The following COL19A1 variants were observed in gnomAD, a reference collection of about 807,000 sequenced individuals.
The protein encoded by COL19A1 is collagen type XIX alpha 1 chain.
A neutral mutation model predicts 190.2 loss-of-function variants in COL19A1; 159 were observed. The observed-to-expected ratio is 0.84, with a 90% CI of 0.73 to 0.95. The LOEUF is 0.95. Ranked by LOEUF, COL19A1 falls within the 40% of genes least tolerant of loss-of-function variation. COL19A1 has a pLI of 0.00. For missense variants in COL19A1, 1,418 were observed against 1,431.9 expected (o/e 0.99, Z 0.16); for synonymous variants, 509 against 458.9 (o/e 1.11, Z -1.39).
chr6:70,070,810 C>T (rs1386658096), intron 15 of COL19A1, among the ~76,000 whole-genome samples: 5 of 152,130 alleles, frequency 3.3e-5, no homozygotes, highest in African/African-American at 1.2e-4. Context: ...GATGCACATT[C>T]TGAAAGCTAA....
Position 69,900,344 on chromosome 6 carries a change from TA to T in COL19A1, c.266+12del. ...CTTCTTATTAGAGACACTATGTAAG[TA>T]AAAAATTATTTTCTTTATGTTTAAT... On this transcript the variant is annotated splice_region_variant and intron_variant, in intron 4 of 50. Transcript: ENST00000620364. The T allele has an allele frequency of 1.4e-6, 2 of 1,407,698 alleles. No homozygotes were observed. Among genetic ancestry groups the T allele is most frequent in the South Asian group, 1.4e-5 (1 of 70,540 alleles). 87.2% of individuals were successfully genotyped at this position (1,407,698 alleles called of 1,614,324 possible).
intron 15 of COL19A1, among the ~76,000 whole-genome samples, chr6:70,078,936 G>A (rs766210170): frequency 1.3e-5 from 2 of 152,084 alleles, no homozygotes; most frequent in Non-Finnish European, 2.9e-5. Context: ...GCATGGTGGT[G>A]TGCACCTCTA....
At chr6:70,113,351 A>G (rs1296997032) in intron 16 of COL19A1, among the ~76,000 whole-genome samples, 3 of 152,188 alleles carry the variant, frequency 2.0e-5, no homozygotes, top group Non-Finnish European at 4.4e-5. Flanking sequence ...ATGCTAATAC[A>G]CAATCTCTCC....
In COL19A1 at chr6:69,937,011, T is replaced by C. The variant is rs1773157092; in HGVS notation, c.873+101T>C. On this transcript the variant is annotated intron_variant, in intron 8 of 50. Transcript: ENST00000620364. The stretch of plus-strand genomic sequence containing the variant: ...TCACAGAATGTGTCTTGCCATTCAG[T>C]GTTTGTTGAAGTAAATACCTCAGTT... 3.4e-6 allele frequency: 5 copies of C among 1,488,748 alleles called. No homozygotes were observed. The Admixed American group carries it at 1.0e-4, about 31-fold the overall frequency. The allele number at this position is 1,488,748 out of a possible 1,614,324, so 92.2% of individuals were successfully genotyped here.
chr6:70,102,131 G>C, intron 15 of COL19A1, 38 bp from the exon 16 acceptor site: 1 of 1,499,846 alleles, frequency 6.7e-7, no homozygotes. Context: ...ATATAATGGA[G>C]TCACAGTATT....
intron 11 of COL19A1, among the ~76,000 whole-genome samples, chr6:69,980,884 C>G (rs776896265): frequency 6.6e-6 from 1 of 152,214 alleles, no homozygotes; most frequent in Non-Finnish European, 1.5e-5. Context: ...CATTCCCATA[C>G]ATTGCTGGTG....
intron 17 of COL19A1, among the ~76,000 whole-genome samples, chr6:70,127,763 T>C (rs991892436): frequency 7.1e-6 from 1 of 140,464 alleles, no homozygotes; most frequent in African/African-American, 2.8e-5. Flanking sequence ...ACTTATTCAC[T>C]ATCATGAGAA....
At chr6:69,981,747 T>C (rs1343781577) in intron 11 of COL19A1, among the ~76,000 whole-genome samples, 2 of 152,036 alleles carry the variant, frequency 1.3e-5, no homozygotes, top group Non-Finnish European at 2.9e-5. Context: ...TCATAAAATA[T>C]AGGTATAAAT....
intron 15 of COL19A1, among the ~76,000 whole-genome samples, chr6:70,098,105 C>T (rs370215257): frequency 1.3e-5 from 2 of 152,156 alleles, no homozygotes; most frequent in African/African-American, 4.8e-5. Flanking sequence ...TACTACCAAC[C>T]GCCGCAGGCC....
chr6:70,192,280 T>C (rs1766922451), intron 48 of COL19A1, among the ~76,000 whole-genome samples: 1 of 152,152 alleles, frequency 6.6e-6, no homozygotes, highest in South Asian at 2.1e-4. Flanking sequence ...AAAAATGTTT[T>C]TTTAAAGGTC....
At chr6:70,202,587 T>C (rs1476933660) in intron 49 of COL19A1, among the ~76,000 whole-genome samples, 2 of 152,104 alleles carry the variant, frequency 1.3e-5, no homozygotes, top group Non-Finnish European at 1.5e-5. Context: ...AGGACAAAAG[T>C]ATAAAGGGGT....
intron 14 of COL19A1, among the ~76,000 whole-genome samples, chr6:70,063,055 A>G (rs1780942768): frequency 6.6e-6 from 1 of 152,204 alleles, no homozygotes; most frequent in Non-Finnish European, 1.5e-5. Flanking sequence ...CCCCACTGTC[A>G]ACATTAGACA....
At chr6:69,992,482 AG>A (rs1379319425) in intron 11 of COL19A1, among the ~76,000 whole-genome samples, 1 of 152,072 alleles carries the variant, frequency 6.6e-6, no homozygotes, top group Non-Finnish European at 1.5e-5. Context: ...ATTTAAAAAA[AG>A]AAAAAAAAAT....
At chr6:70,188,358 C>A in intron 47 of COL19A1, 113 bp downstream of exon 47, 2 of 1,257,876 alleles carry the variant, frequency 1.6e-6, no homozygotes, top group South Asian at 1.9e-5. Context: ...CTAAACTGGT[C>A]CCCGTGAGGG....
At chr6:69,881,186 A>G (rs1449357429) in intron 2 of COL19A1, among the ~76,000 whole-genome samples, 1 of 152,218 alleles carries the variant, frequency 6.6e-6, no homozygotes, top group African/African-American at 2.4e-5. Flanking sequence ...AGCTCCACAG[A>G]TGAATCTAAT....
At chr6:70,037,689 A>G (rs1181751491) in intron 14 of COL19A1, among the ~76,000 whole-genome samples, 1 of 152,232 alleles carries the variant, frequency 6.6e-6, no homozygotes, top group Non-Finnish European at 1.5e-5. Context: ...GAAGACTGAT[A>G]TGCAATCTAC....
intron 11 of COL19A1, among the ~76,000 whole-genome samples, chr6:70,010,526 G>A (rs1777930479): frequency 1.4e-5 from 2 of 142,150 alleles, no homozygotes; most frequent in Non-Finnish European, 3.0e-5. Flanking sequence ...GCGGAAGCAG[G>A]GCGAGGCATT....
chr6:70,147,097 C>A (rs895180396), intron 27 of COL19A1, among the ~76,000 whole-genome samples: 6 of 152,146 alleles, frequency 3.9e-5, no homozygotes, highest in African/African-American at 1.4e-4. Flanking sequence ...AGATGCTGGT[C>A]ACACATACAC....
intron 34 of COL19A1, among the ~76,000 whole-genome samples, chr6:70,160,184 G>A (rs141272839): frequency 0.015 from 2,265 of 152,128 alleles, 43 homozygotes; most frequent in African/African-American, 0.045. Flanking sequence ...ACAGCTCCAC[G>A]TGGCTGGGGA....
Sources: gnomAD v4.1 joint callset for allele counts (sites outside exome capture counted in the v4.1 genomes callset) on GRCh38, gnomAD v4.1.1 for gene constraint, MANE v1.5 for transcripts, NCBI Gene and HGNC (gene_info 2026-07-23, HGNC 2026-07-21) for gene names.